Variants in MDM2 observed in about 807,000 individuals in gnomAD.
MDM2 encodes MDM2 proto-oncogene.
Under a neutral mutation model 64.3 loss-of-function variants are expected in MDM2, and 11 were observed. That is an observed-to-expected ratio of 0.17 (90% CI 0.11 to 0.28). The LOEUF is 0.28. Ranked by LOEUF, MDM2 falls within the 10% of genes least tolerant of loss-of-function variation. The pLI is 1.00. For synonymous variants in MDM2, 194 were observed against 192.9 expected, an observed-to-expected ratio of 1.01 and a Z score of -0.05; for missense variants, 388 against 577.1, an observed-to-expected ratio of 0.67 and a Z score of 3.36.
chr12:68,828,669 C>T, intron 7 of MDM2, 102 bp from the exon 8 acceptor site: 1 of 941,668 alleles, frequency 1.1e-6, no homozygotes, highest in Non-Finnish European at 1.6e-6. Context: ...AACTTTTGAA[C>T]TAATTTTATT....
downstream of MDM2, chr12:68,847,159 T>TAA (rs531536568): frequency 7.3e-3 from 709 of 96,506 alleles, 23 homozygotes; most frequent in African/African-American, 0.046. Context: ...TATATATATA[T>TAA]AATACATATG....
At position 68,840,516 on chromosome 12, in the gene MDM2, T is replaced by A. The variant is rs546846385; in HGVS notation, c.*667T>A. 3 of 192,330 alleles carry A rather than the reference T, an allele frequency of 1.6e-5. No individual in the cohort carries two copies. Among genetic ancestry groups the A allele is most frequent in the Non-Finnish European group, 3.2e-5 (3 of 92,970 alleles). The allele number at this position is 192,330 out of a possible 1,614,324, so 11.9% of individuals were successfully genotyped here. On this transcript the variant is annotated 3_prime_UTR_variant, in exon 11 of 11. Coordinates refer to ENST00000258149, the MANE Select transcript of MDM2 (RefSeq NM_002392.6). Reference sequence around the variant, plus strand: ...TTTAGTTTTTTGTTTTTTTGTTTGTTTGTTTGTTTGTTTGTTTTGAGATGA... The same window carrying A: ...TTTAGTTTTTTGTTTTTTTGTTTGTATGTTTGTTTGTTTGTTTTGAGATGA...
rs570742144 is a variant in MDM2 at position 68,832,689 on chromosome 12, CT to C, written c.685-3129del. On this transcript the variant is annotated intron_variant, in intron 8 of 10. Coordinates refer to ENST00000258149, the MANE Select transcript of MDM2 (RefSeq NM_002392.6). ...CACCACACCTGGCTAATTTTTTTTA[CT>C]TTTTTTTTTTCAGAGATGAGATCTT... Among the ~76,000 whole-genome samples the C allele has an allele frequency of 4.8e-4, 70 of 146,076 alleles. 1 individual carries two copies. Among genetic ancestry groups the C allele is most frequent in the African/African-American group, 1.4e-3 (55 of 39,904 alleles).
chr12:68,818,680 G>A lies in MDM2; in HGVS notation c.309-1645G>A, dbSNP rs1881597331. Among the ~76,000 whole-genome samples the A allele has an allele frequency of 8.6e-5, 13 of 150,408 alleles. No homozygotes were observed. The South Asian group carries it at 2.7e-3, about 31-fold the overall frequency. ...TTTTATACGTGGCCTTGGTATATAT[G>A]GTTTAATTTTATAAATTTTAAAAAT... On this transcript the variant is annotated intron_variant, in intron 4 of 10. Transcript: ENST00000258149.
At chr12:68,821,431 A>G (rs1372824590) in intron 5 of MDM2, among the ~76,000 whole-genome samples, 1 of 152,132 alleles carries the variant, frequency 6.6e-6, no homozygotes, top group Non-Finnish European at 1.5e-5. Flanking sequence ...ACAGTTAAGA[A>G]ATGCTCTTAG....
intron 8 of MDM2, among the ~76,000 whole-genome samples, chr12:68,834,232 A>G (rs1263772598): frequency 6.6e-6 from 1 of 152,076 alleles, no homozygotes; most frequent in Non-Finnish European, 1.5e-5. Context: ...ACTAGAGGTC[A>G]GGATTTCGAG....
chr12:68,848,791 C>T (rs538189605), downstream of MDM2: 1 of 152,210 alleles, frequency 6.6e-6, no homozygotes, highest in Non-Finnish European at 1.5e-5. Context: ...CGGCTCACTG[C>T]AACCTCTGCC....
At chr12:68,849,764 C>T (rs999565765), downstream of MDM2, 1 of 152,116 alleles carries the variant, frequency 6.6e-6, no homozygotes, top group African/African-American at 2.4e-5. Flanking sequence ...AGACATGAGC[C>T]ACCATGCCTG....
rs893861021 is a variant in MDM2, at chr12:68,842,585, T to C, written c.*2736T>C. On this transcript the variant is annotated 3_prime_UTR_variant, in exon 11 of 11. Transcript: ENST00000258149. ...TCTCATTGTTAACTCTTTACTGATA[T>C]GTTTGTAAATACAGAAGTGAAATGT... The C allele has an allele frequency of 6.4e-6, 2 of 314,402 alleles. No individual in the cohort carries two copies. Among genetic ancestry groups the C allele is most frequent in the African/African-American group, 2.2e-5 (1 of 46,370 alleles). The allele number at this position is 314,402 out of a possible 1,614,324, so 19.5% of individuals were successfully genotyped here.
chr12:68,810,176 G>A (rs1404581807), intron 2 of MDM2, among the ~76,000 whole-genome samples: 1 of 152,048 alleles, frequency 6.6e-6, no homozygotes, highest in Non-Finnish European at 1.5e-5. Flanking sequence ...GTCGGGCATG[G>A]TGGCGCGCGC....
intron 8 of MDM2, among the ~76,000 whole-genome samples, chr12:68,833,232 T>G (rs1188494699): frequency 8.6e-6 from 1 of 116,022 alleles, no homozygotes; most frequent in Non-Finnish European, 1.8e-5. Context: ...TTAATGTATA[T>G]TATATATTAC....
intron 3 of MDM2, among the ~76,000 whole-genome samples, chr12:68,814,849 C>G (rs1881212507): frequency 6.6e-6 from 1 of 152,188 alleles, no homozygotes; most frequent in Non-Finnish European, 1.5e-5. Flanking sequence ...CTCTGTCTCT[C>G]CCACTTAGTT....
Position 68,828,950 on chromosome 12 carries a change from G to C in MDM2, c.684+19G>C. The stretch of plus-strand genomic sequence containing the variant: ...GAATCCGGTAATGTTCTCATTTTAA[G>C]TAAGGCAAGACTCTTACTGTTCAAA... On this transcript the variant is annotated intron_variant, in intron 8 of 10. Transcript: ENST00000258149. 1 of 1,612,940 alleles carries C rather than the reference G, an allele frequency of 6.2e-7. No individual in the cohort carries two copies. The highest frequency in any genetic ancestry group is 8.5e-7 in the Non-Finnish European group (1 of 1,179,148).
intron 7 of MDM2, among the ~76,000 whole-genome samples, chr12:68,825,980 A>G (rs1013335352): frequency 1.3e-5 from 2 of 152,230 alleles, no homozygotes; most frequent in Non-Finnish European, 2.9e-5. Flanking sequence ...TGAAAAATAG[A>G]ATACAACATA....
intron 7 of MDM2, among the ~76,000 whole-genome samples, chr12:68,827,431 A>C (rs1405668208): frequency 6.6e-6 from 1 of 152,120 alleles, no homozygotes; most frequent in Non-Finnish European, 1.5e-5. Flanking sequence ...TTGATTTGGT[A>C]GGACTTTGTA....
chr12:68,847,485 G>A (rs949075932), downstream of MDM2: 2 of 108,826 alleles, frequency 1.8e-5, no homozygotes, highest in African/African-American at 4.0e-5. Context: ...ACGGAGTCCC[G>A]CTGTTTAGCC....
chr12:68,815,124 G>T (rs1881239380), intron 3 of MDM2, among the ~76,000 whole-genome samples: 1 of 152,210 alleles, frequency 6.6e-6, no homozygotes, highest in African/African-American at 2.4e-5. Flanking sequence ...GTGTTTGTAG[G>T]AAAGGGCCAG....
At chr12:68,825,706 G>A (rs12229393) in intron 7 of MDM2, among the ~76,000 whole-genome samples, 1 of 152,118 alleles carries the variant, frequency 6.6e-6, no homozygotes, top group Non-Finnish European at 1.5e-5. Context: ...AGAACAGTTA[G>A]TAGACGTAGT....
chr12:68,823,892 T>G (rs3730566), intron 5 of MDM2, among the ~76,000 whole-genome samples: 3,200 of 152,292 alleles, frequency 0.021, 115 homozygotes, highest in African/African-American at 0.073. Flanking sequence ...ACAGGATCCT[T>G]TACAGTCTGA....
Sources: allele counts gnomAD v4.1 joint callset (sites outside exome capture counted in the v4.1 genomes callset), GRCh38; gene constraint gnomAD v4.1.1; transcripts MANE v1.5; gene names NCBI Gene and HGNC (gene_info 2026-07-23, HGNC 2026-07-21).